The following CDH10 variants were observed in gnomAD, a reference collection of about 807,000 sequenced individuals.
The protein encoded by CDH10 is cadherin-10.
CDH10 carries 30 observed loss-of-function variants against 73.1 expected under a neutral mutation model. The observed-to-expected ratio is 0.41, with a 90% CI of 0.31 to 0.56. The LOEUF is 0.56. Ranked by LOEUF, CDH10 falls within the 20% of genes least tolerant of loss-of-function variation. The probability of loss-of-function intolerance (pLI) is 0.27; values close to 1 mark genes in which losing one functional copy is unlikely to be tolerated. For synonymous variants in CDH10, 345 were observed against 348.2 expected (o/e 0.99, Z 0.10); for missense variants, 815 against 973.7 (o/e 0.84, Z 2.17).
At chr5:24,601,916 A>G (rs1043939815) in intron 1 of CDH10, among the ~76,000 whole-genome samples, 2 of 152,092 alleles carry the variant, frequency 1.3e-5, no homozygotes, top group Non-Finnish European at 2.9e-5. Flanking sequence ...ATCCCCTGCT[A>G]CTACTCTTGC....
Position 24,487,496 on chromosome 5 carries a change from C to A in CDH10, c.*167G>T. 3.2e-6 allele frequency: 2 copies of A among 630,398 alleles called. No individual in the cohort carries two copies. The highest frequency in any genetic ancestry group is 5.6e-6 in the Non-Finnish European group (2 of 358,190). The allele number at this position is 630,398 out of a possible 1,614,324, so 39.1% of individuals were successfully genotyped here. Reference sequence around the variant, plus strand: ...AAAATGTCATATATATTCCATGAGACATCCTACAGGAAAGAATTAATGTAA... The same window carrying A: ...AAAATGTCATATATATTCCATGAGAAATCCTACAGGAAAGAATTAATGTAA... On this transcript the variant is annotated 3_prime_UTR_variant, in exon 12 of 12. Coordinates refer to ENST00000264463, the MANE Select transcript of CDH10 (RefSeq NM_006727.5).
At chr5:24,560,676 A>G (rs1434664321) in intron 2 of CDH10, among the ~76,000 whole-genome samples, 2 of 152,050 alleles carry the variant, frequency 1.3e-5, no homozygotes, top group African/African-American at 4.8e-5. Flanking sequence ...GTTTTCAAGG[A>G]ATCTTGGCTG....
chr5:24,629,049 C>A (rs1747612047), intron 1 of CDH10, among the ~76,000 whole-genome samples: 1 of 152,022 alleles, frequency 6.6e-6, no homozygotes, highest in African/African-American at 2.4e-5. Context: ...CTACTATATT[C>A]ATCTCATTGA....
intron 1 of CDH10, among the ~76,000 whole-genome samples, chr5:24,600,138 T>C (rs1383367612): frequency 6.6e-6 from 1 of 152,202 alleles, no homozygotes; most frequent in East Asian, 1.9e-4. Context: ...ACAAGACTTA[T>C]TCCTCATTTT....
chr5:24,498,558 A>T (rs1186656656), intron 8 of CDH10, 39 bp from the exon 9 acceptor site: 1 of 1,505,070 alleles, frequency 6.6e-7, no homozygotes, highest in African/African-American at 1.4e-5. Flanking sequence ...AGGAAGATAA[A>T]TTGGTGCATC....
At chr5:24,538,110 T>G (rs1294443688) in intron 2 of CDH10, among the ~76,000 whole-genome samples, 5 of 152,032 alleles carry the variant, frequency 3.3e-5, no homozygotes, top group African/African-American at 1.2e-4. Flanking sequence ...ATATTTTTGT[T>G]GATGAATTAG....
intron 2 of CDH10, among the ~76,000 whole-genome samples, chr5:24,541,647 TAA>T (rs1189611555): frequency 6.6e-6 from 1 of 152,124 alleles, no homozygotes; most frequent in Non-Finnish European, 1.5e-5. Flanking sequence ...TGTGAGACAT[TAA>T]GTTTTCTTTA....
At chr5:24,606,083 A>C (rs1746751182) in intron 1 of CDH10, among the ~76,000 whole-genome samples, 1 of 152,336 alleles carries the variant, frequency 6.6e-6, no homozygotes, top group South Asian at 2.1e-4. Context: ...AAGTGACAAG[A>C]GGTAACTCCC....
In CDH10 at chr5:24,498,513, G is replaced by T. The variant is rs2111685670; in HGVS notation, c.1400C>A (p.Pro467His). The change falls in exon 9 of 12, where the codon CCC becomes CAC. Residue 467 changes from proline (P) to histidine (H), a missense_variant. Physicochemically the swap from Pro to His is moderately conservative, Grantham distance 77. Coordinates refer to ENST00000264463, the MANE Select transcript of CDH10 (RefSeq NM_006727.5). ...LTVIAAEINN[P>H]KETTRVAVFV... ...AACAGCCACGCGTGTTGTCTCTTTG[G>T]GATTGTCTGGAAAAGGGGAAGAAAA... 1 of 1,599,884 alleles carries T rather than the reference G, an allele frequency of 6.3e-7. No homozygotes were observed. The highest frequency in any genetic ancestry group is 1.7e-5 in the Admixed American group (1 of 59,156).
At chr5:24,513,152 G>A (rs1230967160) in intron 5 of CDH10, among the ~76,000 whole-genome samples, 1 of 151,744 alleles carries the variant, frequency 6.6e-6, no homozygotes, top group African/African-American at 2.4e-5. Flanking sequence ...CTGAGTAGAT[G>A]GGACTATAGG....
intron 1 of CDH10, among the ~76,000 whole-genome samples, chr5:24,605,266 T>C (rs1746721045): frequency 6.6e-6 from 1 of 152,200 alleles, no homozygotes; most frequent in South Asian, 2.1e-4. Flanking sequence ...TATGACCTGT[T>C]AGGAACCGGG....
chr5:24,541,558 G>T (rs2111912820), intron 2 of CDH10, among the ~76,000 whole-genome samples: 1 of 151,946 alleles, frequency 6.6e-6, no homozygotes, highest in East Asian at 1.9e-4. Context: ...GGGATCAATG[G>T]GTCACACGCC....
chr5:24,547,161 C>T (rs1744376599), intron 2 of CDH10, among the ~76,000 whole-genome samples: 1 of 152,288 alleles, frequency 6.6e-6, no homozygotes, highest in East Asian at 1.9e-4. Flanking sequence ...AATATAAATG[C>T]TAATCCAAAT....
intron 2 of CDH10, among the ~76,000 whole-genome samples, chr5:24,573,644 T>C (rs142054858): frequency 0.067 from 9,730 of 144,424 alleles, 385 homozygotes; most frequent in Middle Eastern, 0.12. Context: ...GAGCTTGCAG[T>C]GAGCGGAGAT....
chr5:24,585,047 C>A (rs1745945211), intron 2 of CDH10, among the ~76,000 whole-genome samples: 1 of 152,026 alleles, frequency 6.6e-6, no homozygotes, highest in Admixed American at 6.6e-5. Context: ...AGTGTTTTGC[C>A]ATGTTGCCCA....
intron 7 of CDH10, among the ~76,000 whole-genome samples, chr5:24,507,566 T>C (rs956800990): frequency 6.6e-6 from 1 of 151,990 alleles, no homozygotes; most frequent in East Asian, 1.9e-4. Context: ...GAGAAATATC[T>C]TGGTATTACA....
chr5:24,514,091 A>G (rs558602597), intron 5 of CDH10, among the ~76,000 whole-genome samples: 1 of 152,308 alleles, frequency 6.6e-6, no homozygotes, highest in African/African-American at 2.4e-5. Flanking sequence ...ATTTTATACA[A>G]TAAAATAAAT....
At chr5:24,516,134 A>T (rs1354455577) in intron 5 of CDH10, among the ~76,000 whole-genome samples, 7 of 152,136 alleles carry the variant, frequency 4.6e-5, no homozygotes, top group Non-Finnish European at 8.8e-5. Context: ...AATCTCTTTC[A>T]AGGAGGGCCT....
At chr5:24,621,154 A>C (rs1298111020) in intron 1 of CDH10, among the ~76,000 whole-genome samples, 3 of 152,108 alleles carry the variant, frequency 2.0e-5, no homozygotes, top group Non-Finnish European at 4.4e-5. Context: ...GTGTGCCTCT[A>C]AGAGCGCTCA....
Sources: gnomAD v4.1 joint callset for allele counts (sites outside exome capture counted in the v4.1 genomes callset) on GRCh38, gnomAD v4.1.1 for gene constraint, MANE v1.5 for transcripts, NCBI Gene and HGNC (gene_info 2026-07-23, HGNC 2026-07-21) for gene names.